CDIN1: variants seen among roughly 807,000 people sequenced by gnomAD.
The protein encoded by CDIN1 is CDAN1-interacting nuclease 1.
In CDIN1, 33 loss-of-function variants were observed where a neutral mutation model predicts 45.3. The ratio of observed to expected loss-of-function variants is 0.73; its 90% CI spans 0.55 to 0.97. The LOEUF (loss-of-function observed/expected upper bound fraction) is 0.97, where lower values mean the gene tolerates loss of function less well. CDIN1 is among the 50% of genes least tolerant of loss of function. The pLI, the probability that CDIN1 is intolerant of heterozygous loss-of-function variation, is 0.00. For missense variants in CDIN1, 303 were observed against 339.4 expected (o/e 0.89, Z 0.84); for synonymous variants, 118 against 124.4 (o/e 0.95, Z 0.34).
In CDIN1 at chr15:36,621,872, G is replaced by GTTTTTGTT. The variant is rs1555385099; in HGVS notation, c.102-22401_102-22400insGTTTTTTT. ...GTTGTTTGACCTGACAACAAGTTCA[G>GTTTTTGTT]TTTTTTTTTTTTTCCTCCAAGGGCT... is the stretch of plus-strand genomic sequence containing the variant. On this transcript the variant is annotated intron_variant, in intron 1 of 10. Transcript: ENST00000566621. 8.8e-3 allele frequency among the ~76,000 whole-genome samples: 1,252 copies of GTTTTTGTT among 142,392 alleles called. 12 individuals are homozygous for GTTTTTGTT. The highest frequency in any genetic ancestry group is 0.013 in the Admixed American group (184 of 14,322). 93.4% of individuals were successfully genotyped at this position (142,392 alleles called of 152,430 possible).
intron 8 of CDIN1, among the ~76,000 whole-genome samples, chr15:36,701,173 G>T (rs1486783758): frequency 2.1e-5 from 3 of 145,946 alleles, no homozygotes; most frequent in Non-Finnish European, 4.6e-5. Context: ...TAGATAGATA[G>T]ATATGAGCAT....
At chr15:36,586,192 G>GGTTT (rs374605710) in intron 1 of CDIN1, among the ~76,000 whole-genome samples, 5 of 140,252 alleles carry the variant, frequency 3.6e-5, no homozygotes, top group Non-Finnish European at 7.7e-5. Context: ...TTACCTTTGA[G>GGTTT]TTTTTTTTTT....
intron 1 of CDIN1, among the ~76,000 whole-genome samples, chr15:36,622,078 A>C (rs1346964999): frequency 1.3e-5 from 2 of 152,230 alleles, no homozygotes; most frequent in East Asian, 3.8e-4. Flanking sequence ...TTATGTGTGG[A>C]AAACTTGAAG....
intron 10 of CDIN1, among the ~76,000 whole-genome samples, chr15:36,778,581 T>A (rs956046253): frequency 3.9e-5 from 6 of 152,198 alleles, no homozygotes; most frequent in African/African-American, 1.4e-4. Context: ...CCTTGAGGTT[T>A]TCCAGTTTAA....
chr15:36,690,147 T>C (rs2042191045), intron 5 of CDIN1, among the ~76,000 whole-genome samples: 1 of 152,238 alleles, frequency 6.6e-6, no homozygotes, highest in Non-Finnish European at 1.5e-5. Context: ...CATGTAGTTA[T>C]ATGACTAACA....
At chr15:36,804,407 G>A (rs2055155277) in intron 10 of CDIN1, among the ~76,000 whole-genome samples, 1 of 152,058 alleles carries the variant, frequency 6.6e-6, no homozygotes, top group African/African-American at 2.4e-5. Context: ...ATGCAAAGCT[G>A]TCTGATCATC....
At chr15:36,630,957 A>G (rs1259779294) in intron 1 of CDIN1, among the ~76,000 whole-genome samples, 1 of 152,220 alleles carries the variant, frequency 6.6e-6, no homozygotes, top group Non-Finnish European at 1.5e-5. Flanking sequence ...TCCATGGCTC[A>G]TACATCTCCC....
intron 10 of CDIN1, among the ~76,000 whole-genome samples, chr15:36,724,315 A>T (rs1333600145): frequency 6.6e-6 from 1 of 152,202 alleles, no homozygotes; most frequent in Non-Finnish European, 1.5e-5. Flanking sequence ...ATGGAAGGGG[A>T]CCGTATAGAC....
At chr15:36,797,738 G>C (rs1363644613) in intron 10 of CDIN1, among the ~76,000 whole-genome samples, 2 of 152,010 alleles carry the variant, frequency 1.3e-5, no homozygotes, top group Non-Finnish European at 2.9e-5. Flanking sequence ...CCAGCACTTT[G>C]GGGGGCCGAG....
At position 36,770,441 on chromosome 15, in the gene CDIN1, G is replaced by T. The variant is rs188683422; in HGVS notation, c.717-37883G>T. 4.1e-3 allele frequency among the ~76,000 whole-genome samples: 617 copies of T among 151,144 alleles called. 2 individuals are homozygous for T. Among genetic ancestry groups the T allele is most frequent in the South Asian group, 8.4e-3 (40 of 4,744 alleles). On this transcript the variant is annotated intron_variant, in intron 10 of 10. Coordinates refer to ENST00000566621, the MANE Select transcript of CDIN1 (RefSeq NM_001321759.2). ...ACAATCTCTTTCTGATGATGATGAT[G>T]ATTATTATTATTATTATTATTATTG...
At chr15:36,769,553 C>A (rs1469642605) in intron 10 of CDIN1, among the ~76,000 whole-genome samples, 2 of 152,180 alleles carry the variant, frequency 1.3e-5, no homozygotes, top group East Asian at 1.9e-4. Context: ...CTGCAAAATA[C>A]CTTCACAGCA....
At chr15:36,663,054 C>T (rs918190235) in intron 5 of CDIN1, among the ~76,000 whole-genome samples, 1 of 151,904 alleles carries the variant, frequency 6.6e-6, no homozygotes, top group Non-Finnish European at 1.5e-5. Flanking sequence ...GTAAAAACAT[C>T]TCTTTGAAAG....
chr15:36,723,335 T>C (rs2043503587), intron 10 of CDIN1, among the ~76,000 whole-genome samples: 1 of 152,100 alleles, frequency 6.6e-6, no homozygotes, highest in African/African-American at 2.4e-5. Flanking sequence ...TTAGGATTCA[T>C]CAACTCATAT....
chr15:36,628,473 A>G (rs2039543947), intron 1 of CDIN1, among the ~76,000 whole-genome samples: 1 of 152,172 alleles, frequency 6.6e-6, no homozygotes, highest in South Asian at 2.1e-4. Flanking sequence ...AATATAGATG[A>G]AGCTGCTATA....
intron 1 of CDIN1, among the ~76,000 whole-genome samples, chr15:36,593,786 G>T (rs897865786): frequency 6.6e-6 from 1 of 152,040 alleles, no homozygotes; most frequent in African/African-American, 2.4e-5. Flanking sequence ...GGATGGTCTC[G>T]ATCTCCTGAC....
chr15:36,726,956 C>T (rs1042857356), intron 10 of CDIN1, among the ~76,000 whole-genome samples: 2 of 152,252 alleles, frequency 1.3e-5, no homozygotes, highest in African/African-American at 4.8e-5. Flanking sequence ...AATATAATGG[C>T]ATTCTATATA....
intron 10 of CDIN1, among the ~76,000 whole-genome samples, chr15:36,792,123 T>G (rs1314606655): frequency 6.6e-6 from 1 of 152,170 alleles, no homozygotes; most frequent in African/African-American, 2.4e-5. Flanking sequence ...CTTAACTAAA[T>G]GTTTAAAATA....
chr15:36,583,833 A>G (rs1032402814), intron 1 of CDIN1, among the ~76,000 whole-genome samples: 11 of 152,032 alleles, frequency 7.2e-5, no homozygotes, highest in South Asian at 2.1e-4. Flanking sequence ...TGGCTAACAC[A>G]GTGAAACCCC....
intron 10 of CDIN1, among the ~76,000 whole-genome samples, chr15:36,769,846 A>G (rs574350526): frequency 6.6e-6 from 1 of 152,274 alleles, no homozygotes; most frequent in African/African-American, 2.4e-5. Flanking sequence ...TGTTTGCTCT[A>G]AAGTCTAAGA....
Sources: allele counts gnomAD v4.1 joint callset (sites outside exome capture counted in the v4.1 genomes callset), GRCh38; gene constraint gnomAD v4.1.1; transcripts MANE v1.5; gene names NCBI Gene and HGNC (gene_info 2026-07-23, HGNC 2026-07-21).